Variants in PPFIBP1 observed in about 807,000 individuals in gnomAD.
PPFIBP1 encodes the protein PPFIB scaffold protein 1, also known as liprin-beta-1.
PPFIBP1 carries 112 observed loss-of-function variants against 137.8 expected under a neutral mutation model. The observed-to-expected ratio is 0.81, with a 90% CI of 0.70 to 0.95. The LOEUF is 0.95. Ranked by LOEUF, PPFIBP1 falls within the 40% of genes least tolerant of loss-of-function variation. The pLI, the probability that PPFIBP1 is intolerant of heterozygous loss-of-function variation, is 0.00. For synonymous variants in PPFIBP1, 378 were observed against 417.3 expected, an observed-to-expected ratio of 0.91 and a Z score of 1.15; for missense variants, 1,083 against 1,196.6, an observed-to-expected ratio of 0.91 and a Z score of 1.40.
chr12:27,619,881 G>T (rs145606401), intron 2 of PPFIBP1, among the ~76,000 whole-genome samples: 2 of 151,640 alleles, frequency 1.3e-5, no homozygotes, highest in Admixed American at 6.6e-5. Context: ...TATACATTTT[G>T]TATTCAGAAT....
chr12:27,586,676 GA>G (rs1338042837), intron 2 of PPFIBP1, among the ~76,000 whole-genome samples: 1 of 150,354 alleles, frequency 6.7e-6, no homozygotes, highest in Non-Finnish European at 1.5e-5. Context: ...CAGCCTGGGC[GA>G]AAAAGTGAGA....
At chr12:27,551,331 C>T (rs191307249) in intron 1 of PPFIBP1, among the ~76,000 whole-genome samples, 6 of 152,192 alleles carry the variant, frequency 3.9e-5, no homozygotes, top group East Asian at 1.9e-4. Flanking sequence ...CGCAGGCCAC[C>T]GTGCTGCTAA....
chr12:27,548,462 CG>C (rs1946442446), intron 1 of PPFIBP1: 1 of 152,012 alleles, frequency 6.6e-6, no homozygotes, highest in Admixed American at 6.6e-5. Context: ...TATGCTTTGG[CG>C]GGGGTAGGGA....
intron 1 of PPFIBP1, among the ~76,000 whole-genome samples, chr12:27,542,704 A>G (rs1565734911): frequency 6.6e-6 from 1 of 152,028 alleles, no homozygotes; most frequent in Non-Finnish European, 1.5e-5. Context: ...TGATCTATTT[A>G]TTTTTCTGTT....
chr12:27,648,060 A>T, intron 6 of PPFIBP1: 2 of 518,256 alleles, frequency 3.9e-6, no homozygotes, highest in East Asian at 3.5e-5. Flanking sequence ...TGTCAATAGG[A>T]TTGTGGCTTA....
chr12:27,587,199 G>C (rs185719698), intron 2 of PPFIBP1, among the ~76,000 whole-genome samples: 2 of 152,106 alleles, frequency 1.3e-5, no homozygotes, highest in Non-Finnish European at 2.9e-5. Flanking sequence ...CCCAAAGGCA[G>C]GTGCGAGAAT....
At chr12:27,653,905 G>A (rs1358748087) in intron 7 of PPFIBP1, among the ~76,000 whole-genome samples, 1 of 152,108 alleles carries the variant, frequency 6.6e-6, no homozygotes, top group African/African-American at 2.4e-5. Flanking sequence ...AAAATTAGGT[G>A]AACTGCAGGG....
chr12:27,674,226 CT>C lies in PPFIBP1; in HGVS notation c.1410+10del. On this transcript the variant is annotated splice_donor_region_variant and intron_variant, in intron 17 of 29. Transcript: ENST00000228425. ...ACTATTCAGAAGACTTCAGAGGTAA[CT>C]TTTTGTCCAAATTACAATGCAAAAA... 1 of 1,588,678 alleles carries C rather than the reference CT, an allele frequency of 6.3e-7. No individual in the cohort carries two copies. Among genetic ancestry groups the C allele is most frequent in the Non-Finnish European group, 8.6e-7 (1 of 1,165,530 alleles).
At chr12:27,581,865 T>G (rs2051153175) in intron 2 of PPFIBP1, among the ~76,000 whole-genome samples, 1 of 152,110 alleles carries the variant, frequency 6.6e-6, no homozygotes, top group South Asian at 2.1e-4. Context: ...TTTTTTTTCT[T>G]TAGTGCTTTC....
rs2053273919 is a variant in PPFIBP1 at position 27,596,108 on chromosome 12, ATAT to A, written c.-36+17870_-36+17872del. ...CACACACACACACACACACACACAC[ATAT>A]GCTTACAAATGGCAAAAAGCCAAGA... On this transcript the variant is annotated intron_variant, in intron 2 of 29. Transcript: ENST00000228425. Among the ~76,000 whole-genome samples, 6 of 33,286 alleles carry A rather than the reference ATAT, an allele frequency of 1.8e-4. No individual in the cohort carries two copies. The South Asian group carries it at 4.1e-3, about 23-fold the overall frequency. The allele number at this position is 33,286 out of a possible 152,430, so 21.8% of individuals were successfully genotyped here. A position where few individuals can be genotyped will look rare whatever the true frequency, so the allele number is the denominator to read the frequency against.
chr12:27,585,564 G>A (rs1000072787), intron 2 of PPFIBP1, among the ~76,000 whole-genome samples: 1 of 152,202 alleles, frequency 6.6e-6, no homozygotes, highest in Non-Finnish European at 1.5e-5. Context: ...TGGGCCAGGG[G>A]CTTTGGAGCA....
chr12:27,528,198 C>T (rs989318221), intron 1 of PPFIBP1, among the ~76,000 whole-genome samples: 2 of 152,142 alleles, frequency 1.3e-5, no homozygotes, highest in South Asian at 2.1e-4. Context: ...ATCTGTCTGC[C>T]TCAGCCTCCC....
chr12:27,597,892 G>A (rs571569357), intron 2 of PPFIBP1, among the ~76,000 whole-genome samples: 4 of 152,134 alleles, frequency 2.6e-5, no homozygotes, highest in Admixed American at 6.5e-5. Flanking sequence ...TGCAACCTCT[G>A]TCTCCAGGGT....
intron 28 of PPFIBP1, 28 bp downstream of exon 28, chr12:27,691,956 C>A (rs375995568): frequency 1.1e-5 from 17 of 1,545,756 alleles, no homozygotes; most frequent in Non-Finnish European, 1.4e-5. Context: ...TAACTTTTTG[C>A]GAGTTCTTCC....
chr12:27,684,141 C>T (rs2061055025), intron 24 of PPFIBP1, among the ~76,000 whole-genome samples: 1 of 151,784 alleles, frequency 6.6e-6, no homozygotes, highest in African/African-American at 2.4e-5. Flanking sequence ...CAGAGTCTCA[C>T]TCTGCTGCCC....
intron 25 of PPFIBP1, chr12:27,688,086 T>TAA (rs58069791): frequency 0.012 from 5,410 of 464,636 alleles, 210 homozygotes; most frequent in African/African-American, 0.1. Context: ...GACCCTGTCT[T>TAA]AAAAAAAAAA....
chr12:27,643,370 C>T (rs2139363029), intron 4 of PPFIBP1, among the ~76,000 whole-genome samples: 1 of 128,452 alleles, frequency 7.8e-6, no homozygotes, highest in East Asian at 2.3e-4. Context: ...AATGCAGAGT[C>T]TATTAGAAGA....
At chr12:27,561,971 G>A (rs1453151981) in intron 1 of PPFIBP1, among the ~76,000 whole-genome samples, 1 of 152,050 alleles carries the variant, frequency 6.6e-6, no homozygotes, top group African/African-American at 2.4e-5. Context: ...GTTCACTTGA[G>A]CCCAGGAGTT....
intron 2 of PPFIBP1, chr12:27,599,601 C>G (rs1161089434): frequency 1.4e-5 from 6 of 438,446 alleles, no homozygotes; most frequent in Non-Finnish European, 2.7e-5. Context: ...CCTATTGGTT[C>G]TGTATCTCTA....
Sources: gnomAD v4.1 joint callset for allele counts (sites outside exome capture counted in the v4.1 genomes callset) on GRCh38, gnomAD v4.1.1 for gene constraint, MANE v1.5 for transcripts, NCBI Gene and HGNC (gene_info 2026-07-23, HGNC 2026-07-21) for gene names.